Variants in FTO observed in about 807,000 individuals in gnomAD.
The protein encoded by FTO is FTO alpha-ketoglutarate dependent dioxygenase.
A neutral mutation model predicts 63.9 loss-of-function variants in FTO; 47 were observed. That is an observed-to-expected ratio of 0.74 (90% CI 0.58 to 0.94). FTO has a LOEUF of 0.94. FTO is among the 40% of genes least tolerant of loss of function. The probability of loss-of-function intolerance (pLI) is 0.00; values close to 1 mark genes in which losing one functional copy is unlikely to be tolerated. For synonymous variants in FTO, 207 were observed against 224.4 expected (o/e 0.92, Z 0.69); for missense variants, 562 against 618.1 (o/e 0.91, Z 0.96).
chr16:53,919,361 G>C (rs2081955782), intron 7 of FTO, among the ~76,000 whole-genome samples: 1 of 152,076 alleles, frequency 6.6e-6, no homozygotes, highest in Non-Finnish European at 1.5e-5. Flanking sequence ...AGTGCACTCT[G>C]CTACCCCATG....
At chr16:53,851,771 A>G (rs12448205) in intron 4 of FTO, among the ~76,000 whole-genome samples, 35,177 of 151,878 alleles carry the variant, frequency 0.23, 4,517 homozygotes, top group East Asian at 0.34. Flanking sequence ...TATTATTGTT[A>G]TTATAAAAAT....
Position 54,093,834 on chromosome 16 carries a change from A to C in FTO, c.1365-17928A>C, listed in dbSNP as rs182239484. Among the ~76,000 whole-genome samples the C allele has an allele frequency of 4.6e-5, 7 of 152,304 alleles. No homozygotes were observed. The East Asian group carries it at 1.4e-3, about 29-fold the overall frequency. On this transcript the variant is annotated intron_variant, in intron 8 of 8. Coordinates refer to ENST00000471389, the MANE Select transcript of FTO (RefSeq NM_001080432.3). ...TCTCTACCAGGCACGTGGCAAGGAC[A>C]TGGCCTTGCTTATTTTCCCTGTTGG...
In FTO at chr16:53,879,889, G is replaced by T. The variant is rs755738675; in HGVS notation, c.1021G>T (p.Ala341Ser). 5 of 1,613,848 alleles carry T rather than the reference G, an allele frequency of 3.1e-6. No individual in the cohort carries two copies. The highest frequency in any genetic ancestry group is 4.2e-6 in the Non-Finnish European group (5 of 1,179,842). The stretch of plus-strand genomic sequence containing the variant: ...TTATATTTTACAACGCTGTCAGTTG[G>T]CTCTGCAGAATGTCTGTGACGATGT... The part of the protein sequence containing the change: ...LDYILQRCQL[A>S]LQNVCDDVDN... The change falls in exon 6 of 9, where the codon GCT becomes TCT. Residue 341 changes from alanine to serine, a missense_variant. Transcript: ENST00000471389.
At chr16:53,746,340 G>A (rs987815869) in intron 1 of FTO, among the ~76,000 whole-genome samples, 1 of 152,160 alleles carries the variant, frequency 6.6e-6, no homozygotes, top group African/African-American at 2.4e-5. Flanking sequence ...GGACTGAGTG[G>A]AGTAGAGTCC....
intron 8 of FTO, among the ~76,000 whole-genome samples, chr16:53,989,314 A>G (rs781283011): frequency 5.3e-5 from 8 of 152,204 alleles, no homozygotes; most frequent in Non-Finnish European, 1.2e-4. Flanking sequence ...AGAGATGGGG[A>G]AACCTTCAAC....
intron 8 of FTO, among the ~76,000 whole-genome samples, chr16:53,946,096 A>G (rs1171897884): frequency 6.6e-6 from 1 of 152,138 alleles, no homozygotes; most frequent in Admixed American, 6.5e-5. Context: ...AGGGGAAGGA[A>G]CAGCTCTACT....
chr16:54,051,377 C>T (rs1163286386), intron 8 of FTO, among the ~76,000 whole-genome samples: 3 of 152,214 alleles, frequency 2.0e-5, no homozygotes, highest in African/African-American at 7.2e-5. Flanking sequence ...AGCCAGTGCA[C>T]GTTTCTCCCT....
rs532568195 is a variant in FTO, at chr16:53,934,452, A to T, written c.1364+343A>T. Among the ~76,000 whole-genome samples the T allele has an allele frequency of 2.0e-5, 3 of 152,360 alleles. No individual in the cohort carries two copies. The South Asian group carries it at 6.2e-4, about 32-fold the overall frequency. On this transcript the variant is annotated intron_variant, in intron 8 of 8. Transcript: ENST00000471389. ...TAGCATTGCTATTTCATTAGAGCAG[A>T]TGTCTGAGAAATCCATATAGTGCTC...
intron 8 of FTO, among the ~76,000 whole-genome samples, chr16:53,958,880 C>T (rs900590085): frequency 1.3e-5 from 2 of 152,186 alleles, no homozygotes; most frequent in African/African-American, 4.8e-5. Flanking sequence ...TCAGCTCCAG[C>T]AGCTGATGGG....
At chr16:53,858,614 A>T (rs1419837545) in intron 4 of FTO, among the ~76,000 whole-genome samples, 2 of 152,114 alleles carry the variant, frequency 1.3e-5, no homozygotes, top group East Asian at 3.8e-4. Flanking sequence ...TTTTGAAGAG[A>T]ATAGATTCTT....
At chr16:53,707,511 A>G in intron 1 of FTO, among the ~76,000 whole-genome samples, 1 of 152,192 alleles carries the variant, frequency 6.6e-6, no homozygotes, top group African/African-American at 2.4e-5. Context: ...TTTTTGGGGA[A>G]CAATATTCAA....
At chr16:53,810,706 C>G (rs941254910) in intron 2 of FTO, among the ~76,000 whole-genome samples, 12 of 152,170 alleles carry the variant, frequency 7.9e-5, no homozygotes, top group African/African-American at 2.9e-4. Context: ...GTTTCAATTA[C>G]AAATGACAAA....
intron 1 of FTO, among the ~76,000 whole-genome samples, chr16:53,760,187 C>A (rs997015139): frequency 8.0e-5 from 12 of 150,780 alleles, no homozygotes; most frequent in Non-Finnish European, 1.6e-4. Flanking sequence ...TCCTGTCTAC[C>A]AGTTAGTCTT....
At chr16:53,913,614 C>T (rs989516116) in intron 7 of FTO, among the ~76,000 whole-genome samples, 5 of 152,272 alleles carry the variant, frequency 3.3e-5, no homozygotes, top group Admixed American at 6.5e-5. Flanking sequence ...CTCGCTATGA[C>T]TTCCTTTCTT....
chr16:54,013,657 A>G (rs1339756173), intron 8 of FTO: 2 of 152,238 alleles, frequency 1.3e-5, no homozygotes, highest in Non-Finnish European at 2.9e-5. Context: ...ACCCCAATCC[A>G]TCAGCAGCCA....
In FTO at chr16:54,113,806, C is replaced by A. The variant is rs1599388240; in HGVS notation, c.*1891C>A. On this transcript the variant is annotated 3_prime_UTR_variant, in exon 9 of 9. Transcript: ENST00000471389. ...TTAAAAGGTCTGCATTTTCTTTTTT[C>A]TTTTCTTTTTTTTTTTTTTTGAGAC... is the stretch of plus-strand genomic sequence containing the variant. 7.8e-6 allele frequency: 1 copy of A among 127,838 alleles called. No individual in the cohort carries two copies. Among genetic ancestry groups the A allele is most frequent in the Non-Finnish European group, 1.6e-5 (1 of 61,202 alleles). 7.9% of individuals were successfully genotyped at this position (127,838 alleles called of 1,614,324 possible). A position where few individuals can be genotyped will look rare whatever the true frequency, so the allele number is the denominator to read the frequency against.
chr16:53,760,253 TG>T (rs71719181), intron 1 of FTO, among the ~76,000 whole-genome samples: 2 of 14,432 alleles, frequency 1.4e-4, no homozygotes, highest in South Asian at 1.3e-3. Flanking sequence ...TGTGTGTGTG[TG>T]TGTGTGTTTT....
chr16:53,776,345 G>C (rs1051629322), intron 1 of FTO, among the ~76,000 whole-genome samples: 42 of 152,174 alleles, frequency 2.8e-4, no homozygotes, highest in African/African-American at 9.6e-4. Flanking sequence ...ATGTAAATTA[G>C]TAAGGCCCAT....
intron 8 of FTO, among the ~76,000 whole-genome samples, chr16:54,015,261 G>A (rs1567517678): frequency 6.6e-6 from 1 of 152,150 alleles, no homozygotes; most frequent in Non-Finnish European, 1.5e-5. Context: ...AAACAATTGT[G>A]TTTCATGTAA....
Sources: allele counts gnomAD v4.1 joint callset (sites outside exome capture counted in the v4.1 genomes callset), GRCh38; gene constraint gnomAD v4.1.1; transcripts MANE v1.5; gene names NCBI Gene and HGNC (gene_info 2026-07-23, HGNC 2026-07-21).